The following ERBB4 variants were observed in gnomAD, a reference collection of about 807,000 sequenced individuals.
ERBB4 encodes the protein erb-b2 receptor tyrosine kinase 4.
In ERBB4, 42 loss-of-function variants were observed where a neutral mutation model predicts 158.0. The observed-to-expected ratio is 0.27, with a 90% CI of 0.21 to 0.34. The LOEUF is 0.34. Ranked by LOEUF, ERBB4 falls within the 10% of genes least tolerant of loss-of-function variation. The probability of loss-of-function intolerance (pLI) is 1.00; values close to 1 mark genes in which losing one functional copy is unlikely to be tolerated. For missense variants in ERBB4, 1,333 were observed against 1,624.1 expected (o/e 0.82, Z 3.08); for synonymous variants, 583 against 558.7 (o/e 1.04, Z -0.61).
At chr2:212,489,050 C>T (rs1690130505) in intron 1 of ERBB4, among the ~76,000 whole-genome samples, 1 of 150,806 alleles carries the variant, frequency 6.6e-6, no homozygotes, top group South Asian at 2.1e-4. Context: ...AAGTTAATTG[C>T]ACATTCCCAT....
chr2:211,804,449 C>G (rs2076568237), intron 3 of ERBB4, among the ~76,000 whole-genome samples: 1 of 152,090 alleles, frequency 6.6e-6, no homozygotes, highest in Admixed American at 6.6e-5. Flanking sequence ...TCTTTGGAAA[C>G]AAATGAATTG....
rs141164524 is a variant in ERBB4, at chr2:212,065,068, T to C, written c.234+59684A>G. On this transcript the variant is annotated intron_variant, in intron 2 of 27. Transcript: ENST00000342788. Reference sequence around the variant, plus strand: ...TGTTTTCTGACTTTCATTGACATGATAGAAGATAGTTCACTCAATCATCTA... The same window carrying C: ...TGTTTTCTGACTTTCATTGACATGACAGAAGATAGTTCACTCAATCATCTA... Among the ~76,000 whole-genome samples the C allele has an allele frequency of 7.9e-5, 12 of 151,266 alleles. No homozygotes were observed. In the East Asian group the frequency reaches 2.1e-3, roughly 27 times the overall value.
chr2:211,860,951 TATATATAA>T (rs1333265074), intron 3 of ERBB4, among the ~76,000 whole-genome samples: 15 of 105,140 alleles, frequency 1.4e-4, no homozygotes, highest in Admixed American at 6.1e-4. Context: ...ATATTTTATA[TATATATAA>T]ATATATAAAT....
At chr2:212,123,114 C>A (rs1021260487) in intron 2 of ERBB4, among the ~76,000 whole-genome samples, 4 of 152,132 alleles carry the variant, frequency 2.6e-5, no homozygotes, top group Admixed American at 2.6e-4. Flanking sequence ...AAAGTAAGTT[C>A]TTTTGGGCCG....
intron 3 of ERBB4, among the ~76,000 whole-genome samples, chr2:211,829,625 G>A (rs1050740679): frequency 1.3e-4 from 19 of 151,942 alleles, no homozygotes; most frequent in Middle Eastern, 3.4e-3. Flanking sequence ...TATTTATCAC[G>A]CTATTTCAAA....
At chr2:211,496,562 G>A (rs377581322) in intron 20 of ERBB4, among the ~76,000 whole-genome samples, 1 of 150,812 alleles carries the variant, frequency 6.6e-6, no homozygotes, top group African/African-American at 2.4e-5. Context: ...TCCAAATGAT[G>A]ACTACTTCTT....
chr2:211,676,129 TC>T (rs2072061976), intron 13 of ERBB4, among the ~76,000 whole-genome samples: 2 of 152,134 alleles, frequency 1.3e-5, no homozygotes, highest in African/African-American at 2.4e-5. Flanking sequence ...ATAAACTGGT[TC>T]TTCCTCAAAG....
chr2:211,979,751 T>G (rs965445620), intron 2 of ERBB4, among the ~76,000 whole-genome samples: 1 of 152,136 alleles, frequency 6.6e-6, no homozygotes, highest in African/African-American at 2.4e-5. Flanking sequence ...AGTTTATCCT[T>G]CCATGAACAC....
At chr2:212,314,552 T>C (rs1019300755) in intron 1 of ERBB4, among the ~76,000 whole-genome samples, 3 of 151,122 alleles carry the variant, frequency 2.0e-5, no homozygotes, top group Non-Finnish European at 4.4e-5. Context: ...CTAAGCAGTA[T>C]AGAATTTTAA....
rs1174634453 is a variant in ERBB4 at position 211,382,222 on chromosome 2, C to T, written c.*1393G>A. 1.3e-5 allele frequency: 3 copies of T among 231,570 alleles called. No homozygotes were observed. Among genetic ancestry groups the T allele is most frequent in the African/African-American group, 4.4e-5 (2 of 45,360 alleles). 14.3% of individuals were successfully genotyped at this position (231,570 alleles called of 1,614,324 possible). ...ACCTTCTACTTCATATAAATAGTCT[C>T]ATACTAGAAATTCCATGGAATTCAA... On this transcript the variant is annotated 3_prime_UTR_variant, in exon 28 of 28. Coordinates refer to ENST00000342788, the MANE Select transcript of ERBB4 (RefSeq NM_005235.3).
chr2:212,521,211 T>C (rs1692141305), intron 1 of ERBB4, among the ~76,000 whole-genome samples: 1 of 151,938 alleles, frequency 6.6e-6, no homozygotes, highest in African/African-American at 2.4e-5. Context: ...ACAATAAGGA[T>C]GAAAGGACAG....
chr2:211,406,538 T>G lies in ERBB4; in HGVS notation c.3135+13903A>C, dbSNP rs537822440. 3.9e-5 allele frequency among the ~76,000 whole-genome samples: 6 copies of G among 152,242 alleles called. No homozygotes were observed. The East Asian group carries it at 5.8e-4, about 15-fold the overall frequency. ...AAATTCCTCACTGATATACTCATCTTTAATGTACTGAGTACTGATCTTATA... is the reference window on the plus strand; with the variant it reads ...AAATTCCTCACTGATATACTCATCTGTAATGTACTGAGTACTGATCTTATA... On this transcript the variant is annotated intron_variant, in intron 25 of 27. Transcript: ENST00000342788.
At chr2:212,373,494 A>C (rs932416163) in intron 1 of ERBB4, among the ~76,000 whole-genome samples, 1 of 151,938 alleles carries the variant, frequency 6.6e-6, no homozygotes, top group Non-Finnish European at 1.5e-5. Flanking sequence ...CATTTACTCA[A>C]GGATTATTTC....
intron 2 of ERBB4, among the ~76,000 whole-genome samples, chr2:211,993,173 G>A (rs919217847): frequency 5.3e-5 from 8 of 152,156 alleles, no homozygotes; most frequent in African/African-American, 1.4e-4. Flanking sequence ...AACTGTATAC[G>A]GAGATAGGAT....
intron 1 of ERBB4, among the ~76,000 whole-genome samples, chr2:212,349,524 T>A (rs1184734356): frequency 6.6e-6 from 1 of 152,134 alleles, no homozygotes; most frequent in Non-Finnish European, 1.5e-5. Context: ...AAGTTTTCTG[T>A]CATAGTAAGT....
chr2:212,018,841 T>C (rs1270287714), intron 2 of ERBB4, among the ~76,000 whole-genome samples: 5 of 152,100 alleles, frequency 3.3e-5, no homozygotes, highest in South Asian at 2.1e-4. Context: ...AACATTCAAA[T>C]TGGGCAATCT....
intron 1 of ERBB4, among the ~76,000 whole-genome samples, chr2:212,137,658 A>T (rs1025831539): frequency 6.6e-6 from 1 of 152,222 alleles, no homozygotes; most frequent in Non-Finnish European, 1.5e-5. Context: ...TCTTTATAAC[A>T]GAATGATTTA....
At chr2:212,276,207 C>T (rs886466549) in intron 1 of ERBB4, among the ~76,000 whole-genome samples, 3 of 151,606 alleles carry the variant, frequency 2.0e-5, no homozygotes, top group African/African-American at 7.3e-5. Context: ...CATGGTTGAC[C>T]AGAATGCCTA....
intron 20 of ERBB4, among the ~76,000 whole-genome samples, chr2:211,462,483 G>T (rs2064562515): frequency 6.6e-6 from 1 of 152,132 alleles, no homozygotes; most frequent in Non-Finnish European, 1.5e-5. Context: ...AGAGTTACCT[G>T]TGACAATGAA....
Sources: allele counts gnomAD v4.1 joint callset (sites outside exome capture counted in the v4.1 genomes callset), GRCh38; gene constraint gnomAD v4.1.1; transcripts MANE v1.5; gene names NCBI Gene and HGNC (gene_info 2026-07-23, HGNC 2026-07-21).